SOX6: variants seen among roughly 807,000 people sequenced by gnomAD.
SOX6 encodes the protein SRY-box transcription factor 6.
Under a neutral mutation model 97.8 loss-of-function variants are expected in SOX6, and 11 were observed. That is an observed-to-expected ratio of 0.11 (90% CI 0.07 to 0.19). The LOEUF is 0.19. Among genes scored for constraint, SOX6 ranks in the 10% least tolerant of loss-of-function variants. The pLI is 1.00. For missense variants in SOX6, 810 were observed against 1,039.5 expected (o/e 0.78, Z 3.04); for synonymous variants, 360 against 371.4 (o/e 0.97, Z 0.35).
Position 16,164,183 on chromosome 11 carries a change from G to C in SOX6, c.777+19703C>G, listed in dbSNP as rs370613446. 7.2e-5 allele frequency among the ~76,000 whole-genome samples: 11 copies of C among 152,122 alleles called. 1 individual carries two copies. In the South Asian group the frequency reaches 2.1e-3, roughly 29 times the overall value. On this transcript the variant is annotated intron_variant, in intron 6 of 15. Coordinates refer to ENST00000683767, the MANE Select transcript of SOX6 (RefSeq NM_001367873.1). ...AAGGTCTCACTATGTTGCCCAGGCT[G>C]GTCTCAAACTCCTGGGCTCAAGCAA... is the stretch of plus-strand genomic sequence containing the variant.
chr11:16,540,170 G>A (rs569908378), intron 4 of SOX6, among the ~76,000 whole-genome samples: 88 of 152,156 alleles, frequency 5.8e-4, no homozygotes, highest in African/African-American at 2.0e-3. Flanking sequence ...TACAACATAC[G>A]CAAATCAATA....
At chr11:16,711,477 C>T (rs1208732913) in intron 3 of SOX6, among the ~76,000 whole-genome samples, 1 of 152,130 alleles carries the variant, frequency 6.6e-6, no homozygotes, top group African/African-American at 2.4e-5. Flanking sequence ...TAGCTGTGAT[C>T]GTGCTACTGC....
At chr11:16,403,836 C>G (rs1734821884) in intron 1 of SOX6, among the ~76,000 whole-genome samples, 1 of 151,130 alleles carries the variant, frequency 6.6e-6, no homozygotes, top group African/African-American at 2.4e-5. Flanking sequence ...TTTTGAACTT[C>G]TTTGGTTAAA....
At chr11:15,976,840 G>A (rs1258683768) in intron 15 of SOX6, among the ~76,000 whole-genome samples, 1 of 151,972 alleles carries the variant, frequency 6.6e-6, no homozygotes, top group African/African-American at 2.4e-5. Flanking sequence ...TATACCCTCT[G>A]GAACTCAACT....
At chr11:16,653,432 C>A (rs143248010) in intron 3 of SOX6, among the ~76,000 whole-genome samples, 1 of 151,978 alleles carries the variant, frequency 6.6e-6, no homozygotes, top group African/African-American at 2.4e-5. Context: ...CATGGAATAA[C>A]GACTTAGCCA....
intron 6 of SOX6, among the ~76,000 whole-genome samples, chr11:16,141,377 C>T (rs1343682110): frequency 6.6e-6 from 1 of 152,060 alleles, no homozygotes; most frequent in Non-Finnish European, 1.5e-5. Flanking sequence ...ATTAATAGAA[C>T]CAACGGCAGT....
intron 4 of SOX6, among the ~76,000 whole-genome samples, chr11:16,503,292 C>T (rs942347324): frequency 2.0e-5 from 3 of 148,898 alleles, no homozygotes; most frequent in Admixed American, 2.0e-4. Context: ...ACTGGTAGAG[C>T]AAACACATAA....
chr11:16,520,910 G>A (rs1590231665), intron 4 of SOX6, among the ~76,000 whole-genome samples: 1 of 152,260 alleles, frequency 6.6e-6, no homozygotes, highest in Non-Finnish European at 1.5e-5. Flanking sequence ...CTGCAAGGTG[G>A]CAGCGAGGCT....
At position 15,969,922 on chromosome 11, in the gene SOX6, C is replaced by T. The variant is rs1158342841; in HGVS notation, c.*2887G>A. The stretch of plus-strand genomic sequence containing the variant: ...ATCCAATGAAAAAGACGTTTACAAT[C>T]AGATCATTCCTGAATAGCCTTTCAT... On this transcript the variant is annotated 3_prime_UTR_variant, in exon 16 of 16. Coordinates refer to ENST00000683767, the MANE Select transcript of SOX6 (RefSeq NM_001367873.1). The T allele has an allele frequency of 6.6e-6, 1 of 152,196 alleles. No homozygotes were observed. Among genetic ancestry groups the T allele is most frequent in the Non-Finnish European group, 1.5e-5 (1 of 68,026 alleles). The allele number at this position is 152,196 out of a possible 1,614,324, so 9.4% of individuals were successfully genotyped here.
chr11:16,153,143 G>C (rs542643804), intron 6 of SOX6, among the ~76,000 whole-genome samples: 2 of 152,226 alleles, frequency 1.3e-5, no homozygotes, highest in Non-Finnish European at 2.9e-5. Flanking sequence ...GGGATTACAG[G>C]CATGAGCCAC....
chr11:16,604,047 C>T (rs763425852), intron 4 of SOX6, among the ~76,000 whole-genome samples: 3 of 152,240 alleles, frequency 2.0e-5, no homozygotes, highest in Non-Finnish European at 4.4e-5. Flanking sequence ...TGTCCAGTGA[C>T]ACCTTACCTT....
intron 3 of SOX6, among the ~76,000 whole-genome samples, chr11:16,669,041 A>G (rs1303738816): frequency 6.6e-6 from 1 of 152,248 alleles, no homozygotes; most frequent in Non-Finnish European, 1.5e-5. Flanking sequence ...GAGCAAATGG[A>G]CCAAATAGAT....
At chr11:16,691,460 T>C (rs549054302) in intron 3 of SOX6, among the ~76,000 whole-genome samples, 7 of 152,246 alleles carry the variant, frequency 4.6e-5, no homozygotes, top group African/African-American at 1.7e-4. Context: ...AACTTCATGA[T>C]TACAAAAGTA....
intron 9 of SOX6, among the ~76,000 whole-genome samples, chr11:16,084,896 A>C (rs1848544647): frequency 6.6e-6 from 1 of 152,348 alleles, no homozygotes; most frequent in East Asian, 1.9e-4. Context: ...GGTTGGATAT[A>C]GGTGAATGAT....
chr11:16,453,183 G>A (rs897861138), intron 1 of SOX6, among the ~76,000 whole-genome samples: 15 of 151,664 alleles, frequency 9.9e-5, no homozygotes, highest in African/African-American at 3.4e-4. Flanking sequence ...TATTGTTCTT[G>A]GCTATTTTTG....
chr11:16,375,988 T>C (rs972666398), intron 1 of SOX6, among the ~76,000 whole-genome samples: 1 of 151,740 alleles, frequency 6.6e-6, no homozygotes, highest in Non-Finnish European at 1.5e-5. Context: ...TGAGAACACA[T>C]GGACACAGGG....
chr11:16,373,875 G>GGGA (rs1857570810), intron 1 of SOX6, among the ~76,000 whole-genome samples: 2 of 16,536 alleles, frequency 1.2e-4, no homozygotes, highest in Non-Finnish European at 3.8e-4. Context: ...AAGGAAGGAA[G>GGGA]GAAGGAAGGA....
chr11:16,585,681 C>CT (rs35531411), intron 4 of SOX6, among the ~76,000 whole-genome samples: 29,146 of 107,808 alleles, frequency 0.27, 5,224 homozygotes, highest in East Asian at 0.53. Flanking sequence ...TTTTTTTTTA[C>CT]TTTTTTTTTT....
At chr11:16,085,467 A>G (rs1848557492) in intron 9 of SOX6, among the ~76,000 whole-genome samples, 1 of 152,198 alleles carries the variant, frequency 6.6e-6, no homozygotes, top group South Asian at 2.1e-4. Context: ...TTTGAGCATT[A>G]AATGGCCCAT....
Sources: allele counts gnomAD v4.1 joint callset (sites outside exome capture counted in the v4.1 genomes callset), GRCh38; gene constraint gnomAD v4.1.1; transcripts MANE v1.5; gene names NCBI Gene and HGNC (gene_info 2026-07-23, HGNC 2026-07-21).